The following IKZF2 variants were observed in gnomAD, a reference collection of about 807,000 sequenced individuals.
The protein encoded by IKZF2 is zinc finger protein Helios.
In IKZF2, 15 loss-of-function variants were observed where a neutral mutation model predicts 49.2. That is an observed-to-expected ratio of 0.30 (90% confidence interval 0.20 to 0.47). The LOEUF (loss-of-function observed/expected upper bound fraction) is 0.47. IKZF2 is among the 20% of genes least tolerant of loss of function. The probability of loss-of-function intolerance (pLI) is 1.00; values close to 1 mark genes in which losing one functional copy is unlikely to be tolerated. For synonymous variants in IKZF2, 227 were observed against 221.4 expected (o/e 1.03, Z -0.23); for missense variants, 567 against 664.6 (o/e 0.85, Z 1.61).
chr2:213,004,112 G>A lies in IKZF2; in HGVS notation c.*3248C>T, dbSNP rs1163352055. ...CTCTGTATGTTTTTGCAATACATCT[G>A]ATCACTCCAACTGCTTTTTTTTCCA... On this transcript the variant is annotated 3_prime_UTR_variant, in exon 9 of 9. Coordinates refer to ENST00000434687, the MANE Select transcript of IKZF2 (RefSeq NM_001387220.1). 6.6e-6 allele frequency: 1 copy of A among 151,690 alleles called. No individual in the cohort carries two copies. 9.4% of individuals were successfully genotyped at this position (151,690 alleles called of 1,614,324 possible). A position where few individuals can be genotyped will look rare whatever the true frequency, so the allele number is the denominator to read the frequency against.
intron 1 of IKZF2, among the ~76,000 whole-genome samples, chr2:213,150,903 G>GT (rs2061262447): frequency 2.7e-5 from 4 of 147,968 alleles, no homozygotes; most frequent in Admixed American, 2.7e-4. Context: ...CAGGGTTTTT[G>GT]GTTTTTTTTT....
At chr2:213,065,987 G>C (rs1285328664) in intron 4 of IKZF2, among the ~76,000 whole-genome samples, 2 of 152,068 alleles carry the variant, frequency 1.3e-5, no homozygotes, top group African/African-American at 4.8e-5. Context: ...AAGAAGACCA[G>C]CTTACACTGC....
chr2:213,100,402 A>G (rs1486550799), intron 4 of IKZF2, among the ~76,000 whole-genome samples: 1 of 152,060 alleles, frequency 6.6e-6, no homozygotes, highest in Admixed American at 6.6e-5. Flanking sequence ...ATAATAAAAC[A>G]AACTAAAATT....
At chr2:213,017,207 G>T (rs888045421) in intron 7 of IKZF2, among the ~76,000 whole-genome samples, 1 of 151,890 alleles carries the variant, frequency 6.6e-6, no homozygotes, top group African/African-American at 2.4e-5. Context: ...TGGCCTTCTT[G>T]ATGTCTCACT....
intron 4 of IKZF2, among the ~76,000 whole-genome samples, chr2:213,099,332 G>A (rs561276663): frequency 6.6e-6 from 1 of 152,250 alleles, no homozygotes; most frequent in East Asian, 1.9e-4. Flanking sequence ...TACATATGAA[G>A]AGTAGAGAGA....
intron 6 of IKZF2, among the ~76,000 whole-genome samples, chr2:213,030,277 A>T (rs1230402070): frequency 1.3e-5 from 2 of 151,760 alleles, no homozygotes; most frequent in Admixed American, 6.6e-5. Flanking sequence ...TTTTTTTCTA[A>T]ATCTTTAGAA....
chr2:213,090,697 G>T (rs947993734), intron 4 of IKZF2, among the ~76,000 whole-genome samples: 1 of 152,154 alleles, frequency 6.6e-6, no homozygotes, highest in East Asian at 1.9e-4. Context: ...GGAAAGTTTA[G>T]ACAGAGACAT....
chr2:213,082,530 A>G (rs1019993625), intron 4 of IKZF2, among the ~76,000 whole-genome samples: 1 of 152,240 alleles, frequency 6.6e-6, no homozygotes, highest in Admixed American at 6.5e-5. Context: ...TTAGCAATGA[A>G]GCAAACCCTC....
At chr2:213,032,488 C>A (rs189107955) in intron 6 of IKZF2, among the ~76,000 whole-genome samples, 2 of 152,258 alleles carry the variant, frequency 1.3e-5, no homozygotes, top group African/African-American at 4.8e-5. Context: ...AATACAAGCA[C>A]TTTGGGAAGT....
chr2:213,076,192 C>T (rs1042465829), intron 4 of IKZF2, among the ~76,000 whole-genome samples: 4 of 151,988 alleles, frequency 2.6e-5, no homozygotes, highest in African/African-American at 7.2e-5. Context: ...AAAACTAATG[C>T]TTTTCCTAGG....
intron 3 of IKZF2, 135 bp from the exon 4 acceptor site, chr2:213,147,947 T>C (rs2061138131): frequency 1.6e-6 from 1 of 630,846 alleles, no homozygotes; most frequent in Non-Finnish European, 2.8e-6. Flanking sequence ...TTAGAAACTA[T>C]AAGGAAATAT....
intron 4 of IKZF2, among the ~76,000 whole-genome samples, chr2:213,133,298 T>G (rs192099534): frequency 1.2e-4 from 19 of 152,284 alleles, no homozygotes; most frequent in Admixed American, 1.2e-3. Context: ...AATATCCCCT[T>G]TTTACAAATA....
At chr2:213,089,241 C>G (rs957962507) in intron 4 of IKZF2, among the ~76,000 whole-genome samples, 2 of 152,150 alleles carry the variant, frequency 1.3e-5, no homozygotes, top group Non-Finnish European at 2.9e-5. Flanking sequence ...ATCAGCAAGT[C>G]CAACAGGCTC....
At chr2:213,126,844 G>A (rs2060278928) in intron 4 of IKZF2, among the ~76,000 whole-genome samples, 1 of 152,106 alleles carries the variant, frequency 6.6e-6, no homozygotes, top group African/African-American at 2.4e-5. Context: ...ACAGTGAATA[G>A]GAACTACACA....
chr2:213,059,205 A>G (rs1193043321), intron 4 of IKZF2, among the ~76,000 whole-genome samples: 2 of 151,590 alleles, frequency 1.3e-5, no homozygotes, highest in African/African-American at 2.4e-5. Flanking sequence ...CCATTTTTCT[A>G]TCAGGTTGTC....
intron 6 of IKZF2, among the ~76,000 whole-genome samples, chr2:213,028,564 G>A (rs774384352): frequency 3.3e-5 from 5 of 151,942 alleles, no homozygotes; most frequent in African/African-American, 9.7e-5. Context: ...ATGATTTTAC[G>A]TACACAGTTC....
At chr2:213,087,840 T>C (rs996758331) in intron 4 of IKZF2, among the ~76,000 whole-genome samples, 2 of 152,348 alleles carry the variant, frequency 1.3e-5, no homozygotes, top group Non-Finnish European at 1.5e-5. Flanking sequence ...CTCATCCTTT[T>C]TCGTGGCTGC....
At chr2:213,057,133 T>C (rs1574658585) in intron 4 of IKZF2, 34 bp from the exon 5 acceptor site, 6 of 1,577,584 alleles carry the variant, frequency 3.8e-6, no homozygotes, top group Non-Finnish European at 4.3e-6. Context: ...AAATTTTAAA[T>C]ACATGTTATG....
chr2:213,095,855 A>T (rs1459864540), intron 4 of IKZF2, among the ~76,000 whole-genome samples: 1 of 152,076 alleles, frequency 6.6e-6, no homozygotes, highest in East Asian at 1.9e-4. Context: ...AGCTCATCTA[A>T]GGATATTGTT....
Sources: allele counts gnomAD v4.1 joint callset (sites outside exome capture counted in the v4.1 genomes callset), GRCh38; gene constraint gnomAD v4.1.1; transcripts MANE v1.5; gene names NCBI Gene and HGNC (gene_info 2026-07-23, HGNC 2026-07-21).